MYOZ2: variants seen among roughly 807,000 people sequenced by gnomAD.
The protein encoded by MYOZ2 is myozenin 2, also known as myozenin-2.
In MYOZ2, 19 loss-of-function variants were observed where a neutral mutation model predicts 25.4. That is an observed-to-expected ratio of 0.75 (90% confidence interval 0.52 to 1.10). The LOEUF (loss-of-function observed/expected upper bound fraction) is 1.10. Ranked by LOEUF, MYOZ2 falls within the 50% of genes least tolerant of loss-of-function variation. The pLI is 0.00. For missense variants in MYOZ2, 270 were observed against 317.9 expected (o/e 0.85, Z 1.15); for synonymous variants, 92 against 106.9 (o/e 0.86, Z 0.86).
chr4:119,161,282 A>T (rs566581577), intron 4 of MYOZ2, among the ~76,000 whole-genome samples: 1 of 152,266 alleles, frequency 6.6e-6, no homozygotes, highest in South Asian at 2.1e-4. Context: ...TATGTACTTT[A>T]CTATGAGGCA....
intron 5 of MYOZ2, among the ~76,000 whole-genome samples, chr4:119,176,475 G>A (rs756993432): frequency 4.6e-5 from 7 of 152,070 alleles, no homozygotes; most frequent in African/African-American, 7.2e-5. Context: ...TGCCCACTTC[G>A]GCCTCCGAAA....
chr4:119,163,814 A>T (rs1180224488), intron 4 of MYOZ2, among the ~76,000 whole-genome samples: 1 of 152,168 alleles, frequency 6.6e-6, no homozygotes, highest in Admixed American at 6.5e-5. Context: ...GATTTCCCCT[A>T]CCTTAGACTA....
chr4:119,147,604 G>A (rs879418027), intron 2 of MYOZ2, among the ~76,000 whole-genome samples: 1 of 151,864 alleles, frequency 6.6e-6, no homozygotes, highest in Non-Finnish European at 1.5e-5. Context: ...GGCTGGGTGT[G>A]GTGGTGGCAG....
chr4:119,139,651 A>G (rs1407982570), intron 2 of MYOZ2, among the ~76,000 whole-genome samples: 1 of 152,190 alleles, frequency 6.6e-6, no homozygotes, highest in East Asian at 1.9e-4. Context: ...CTCTAGAGAA[A>G]CTGGCATCTG....
chr4:119,182,862 A>G (rs1301923662), intron 5 of MYOZ2, among the ~76,000 whole-genome samples: 1 of 152,212 alleles, frequency 6.6e-6, no homozygotes, highest in East Asian at 1.9e-4. Flanking sequence ...TACAAATGAA[A>G]TTGAATATGA....
intron 5 of MYOZ2, among the ~76,000 whole-genome samples, chr4:119,176,105 C>T (rs1168036841): frequency 2.0e-5 from 3 of 152,124 alleles, no homozygotes; most frequent in African/African-American, 7.2e-5. Flanking sequence ...TCTTTGAGTT[C>T]ATTGAGGTTA....
At chr4:119,148,752 G>A (rs1359332181) in intron 2 of MYOZ2, among the ~76,000 whole-genome samples, 2 of 83,482 alleles carry the variant, frequency 2.4e-5, no homozygotes, top group African/African-American at 1.0e-4. Flanking sequence ...TTTTGCTGCT[G>A]CTGATGGAGT....
chr4:119,178,180 A>G (rs1742117797), intron 5 of MYOZ2, among the ~76,000 whole-genome samples: 1 of 152,180 alleles, frequency 6.6e-6, no homozygotes, highest in African/African-American at 2.4e-5. Context: ...CTTTTTGATC[A>G]TCAAACTCCC....
chr4:119,151,346 T>G (rs1741446534), intron 3 of MYOZ2, among the ~76,000 whole-genome samples: 1 of 152,152 alleles, frequency 6.6e-6, no homozygotes, highest in African/African-American at 2.4e-5. Flanking sequence ...GTTTCCATGG[T>G]CTTATCACAA....
At chr4:119,147,584 A>T (rs13114076) in intron 2 of MYOZ2, among the ~76,000 whole-genome samples, 89,435 of 151,524 alleles carry the variant, frequency 0.59, 28,691 homozygotes, top group Non-Finnish European at 0.72. Flanking sequence ...CTACTAAAAA[A>T]ACAAAAATTG....
intron 2 of MYOZ2, among the ~76,000 whole-genome samples, chr4:119,149,397 A>G (rs1051317695): frequency 3.9e-5 from 6 of 152,226 alleles, no homozygotes; most frequent in Non-Finnish European, 8.8e-5. Flanking sequence ...GAGCGAAGTC[A>G]AAGTGTTTTC....
At chr4:119,149,282 C>T (rs1470074804) in intron 2 of MYOZ2, among the ~76,000 whole-genome samples, 1 of 152,198 alleles carries the variant, frequency 6.6e-6, no homozygotes, top group Non-Finnish European at 1.5e-5. Context: ...GTCCCAACTT[C>T]CCACTCGGTC....
intron 5 of MYOZ2, among the ~76,000 whole-genome samples, chr4:119,166,421 G>T (rs145392166): frequency 6.6e-6 from 1 of 151,632 alleles, no homozygotes; most frequent in African/African-American, 2.4e-5. Context: ...CGAGAGGGTC[G>T]CTTGAGCCCA....
chr4:119,165,730 A>C (rs925854142), intron 5 of MYOZ2, among the ~76,000 whole-genome samples: 2 of 143,304 alleles, frequency 1.4e-5, no homozygotes, highest in African/African-American at 4.9e-5. Context: ...AATTATAACA[A>C]GTAAAACATT....
intron 3 of MYOZ2, among the ~76,000 whole-genome samples, chr4:119,152,401 C>G (rs1182780388): frequency 6.6e-6 from 1 of 152,000 alleles, no homozygotes; most frequent in Non-Finnish European, 1.5e-5. Flanking sequence ...TTACGGAAGT[C>G]TTTGAAAAGT....
chr4:119,182,573 C>T (rs1742204145), intron 5 of MYOZ2, among the ~76,000 whole-genome samples: 1 of 152,042 alleles, frequency 6.6e-6, no homozygotes, highest in East Asian at 1.9e-4. Context: ...GAGATGGTTT[C>T]GGGATGAAAC....
intron 4 of MYOZ2, among the ~76,000 whole-genome samples, chr4:119,158,954 A>C (rs1217317197): frequency 1.3e-5 from 2 of 152,202 alleles, no homozygotes; most frequent in Non-Finnish European, 1.5e-5. Context: ...TAACTAAAAG[A>C]GTATAACTGG....
intron 5 of MYOZ2, among the ~76,000 whole-genome samples, chr4:119,180,610 G>T (rs954200792): frequency 6.6e-6 from 1 of 152,162 alleles, no homozygotes; most frequent in Non-Finnish European, 1.5e-5. Context: ...CTGGAGTGCG[G>T]TGGTGCGATT....
chr4:119,147,574 C>T (rs1029499898), intron 2 of MYOZ2, among the ~76,000 whole-genome samples: 1 of 151,850 alleles, frequency 6.6e-6, no homozygotes, highest in African/African-American at 2.4e-5. Flanking sequence ...AACCCCGTCC[C>T]TACTAAAAAA....
Sources: allele counts gnomAD v4.1 joint callset (sites outside exome capture counted in the v4.1 genomes callset), GRCh38; gene constraint gnomAD v4.1.1; transcripts MANE v1.5; gene names NCBI Gene and HGNC (gene_info 2026-07-23, HGNC 2026-07-21).